The following PITPNM3 variants were observed in gnomAD, a reference collection of about 807,000 sequenced individuals.
PITPNM3 encodes the protein PITPNM family member 3.
PITPNM3 carries 26 observed loss-of-function variants against 102.0 expected under a neutral mutation model. The ratio of observed to expected loss-of-function variants is 0.25; its 90% confidence interval spans 0.19 to 0.35. The LOEUF (loss-of-function observed/expected upper bound fraction) is 0.35. Ranked by LOEUF, PITPNM3 falls within the 10% of genes least tolerant of loss-of-function variation. PITPNM3 has a pLI of 1.00. For missense variants in PITPNM3, 1,083 were observed against 1,346.1 expected, an observed-to-expected ratio of 0.80 and a Z score of 3.06; for synonymous variants, 578 against 558.6, an observed-to-expected ratio of 1.03 and a Z score of -0.49.
chr17:6,523,920 G>A (rs976545043), intron 3 of PITPNM3, among the ~76,000 whole-genome samples: 2 of 152,182 alleles, frequency 1.3e-5, no homozygotes, highest in Non-Finnish European at 2.9e-5. Context: ...AGTCCAGTCC[G>A]GGAGGTGAAG....
chr17:6,554,778 G>A (rs1910513510), intron 1 of PITPNM3, among the ~76,000 whole-genome samples: 1 of 152,312 alleles, frequency 6.6e-6, no homozygotes, highest in South Asian at 2.1e-4. Context: ...AAGCCACCTT[G>A]AGGCTGCTAT....
At chr17:6,541,459 C>T (rs530242088) in intron 1 of PITPNM3, among the ~76,000 whole-genome samples, 1 of 152,148 alleles carries the variant, frequency 6.6e-6, no homozygotes, top group East Asian at 1.9e-4. Flanking sequence ...ATCCATGTGG[C>T]TGGGGCCAAT....
intron 1 of PITPNM3, among the ~76,000 whole-genome samples, chr17:6,547,382 T>C (rs141633775): frequency 1.3e-5 from 2 of 152,358 alleles, no homozygotes; most frequent in East Asian, 1.9e-4. Flanking sequence ...TCATTTGCTC[T>C]GCCAATTAGG....
At chr17:6,503,351 G>C (rs1907296988) in intron 4 of PITPNM3, among the ~76,000 whole-genome samples, 176 bp downstream of exon 4, 1 of 152,138 alleles carries the variant, frequency 6.6e-6, no homozygotes, top group South Asian at 2.1e-4. Context: ...TCATGGGTTA[G>C]AGAGGGCCCA....
intron 10 of PITPNM3, chr17:6,473,058 T>TCAGGCTTG: frequency 1.7e-6 from 1 of 588,440 alleles, no homozygotes; most frequent in Non-Finnish European, 3.0e-6. Flanking sequence ...CCTTCCCCAA[T>TCAGGCTTG]CAGGCTTGCA....
chr17:6,456,148 C>T (rs1016886072), intron 19 of PITPNM3, among the ~76,000 whole-genome samples: 1 of 152,128 alleles, frequency 6.6e-6, no homozygotes, highest in Non-Finnish European at 1.5e-5. Context: ...CTCAGCCTCC[C>T]GAGTAACTGG....
In PITPNM3 at chr17:6,491,836, T is replaced by TATATATATATATATAA. The variant is rs148932496; in HGVS notation, c.275-7545_275-7544insTTATATATATATATAT. ...AATGGAATATATATATATATATATA[T>TATATATATATATATAA]AATAAAGAATTAATTAAGAATTAAG... On this transcript the variant is annotated intron_variant, in intron 4 of 19. Coordinates refer to ENST00000262483, the MANE Select transcript of PITPNM3 (RefSeq NM_031220.4). Among the ~76,000 whole-genome samples, 587 of 139,264 alleles carry TATATATATATATATAA rather than the reference T, an allele frequency of 4.2e-3. 6 individuals carry two copies. The highest frequency in any genetic ancestry group is 7.6e-3 in the Middle Eastern group (2 of 264). 91.4% of individuals were successfully genotyped at this position (139,264 alleles called of 152,430 possible).
chr17:6,511,709 C>T (rs1907872112), intron 3 of PITPNM3, among the ~76,000 whole-genome samples: 1 of 152,104 alleles, frequency 6.6e-6, no homozygotes, highest in Non-Finnish European at 1.5e-5. Context: ...CTTGGCCAGG[C>T]ACAGTGGCTC....
intron 3 of PITPNM3, among the ~76,000 whole-genome samples, chr17:6,506,461 TC>T (rs770892470): frequency 3.8e-4 from 57 of 151,510 alleles, no homozygotes; most frequent in Non-Finnish European, 7.2e-4. Flanking sequence ...AACCTCCGCC[TC>T]CCAGGTTCAA....
rs1342251034 is a variant in PITPNM3 at position 6,452,494 on chromosome 17, T to TG, written c.*2843dup. The TG allele has an allele frequency of 2.6e-5, 4 of 152,190 alleles. No homozygotes were observed. Among genetic ancestry groups the TG allele is most frequent in the Non-Finnish European group, 5.9e-5 (4 of 68,040 alleles). The allele number at this position is 152,190 out of a possible 1,614,324, so 9.4% of individuals were successfully genotyped here. A position where few individuals can be genotyped will look rare whatever the true frequency, so the allele number is the denominator to read the frequency against. ...AGGATTCTCTACAAAACAGCTGGAT[T>TG]GGGGGTCACAGAACTACTCAAGGAG... is the stretch of plus-strand genomic sequence containing the variant. On this transcript the variant is annotated 3_prime_UTR_variant, in exon 20 of 20. Transcript: ENST00000262483.
At chr17:6,463,417 G>GGGAGTGAGGCAGGGAGGGAA (rs1904575171) in intron 17 of PITPNM3, among the ~76,000 whole-genome samples, 1 of 58,722 alleles carries the variant, frequency 1.7e-5, no homozygotes, top group Non-Finnish European at 4.0e-5. Flanking sequence ...CACGAGTGCA[G>GGGAGTGAGGCAGGGAGGGAA]GGAGGGAGGC....
intron 4 of PITPNM3, among the ~76,000 whole-genome samples, chr17:6,485,689 C>A (rs578201082): frequency 6.6e-6 from 1 of 152,286 alleles, no homozygotes; most frequent in South Asian, 2.1e-4. Context: ...GTAAAGCTGG[C>A]CTTTGCCAGA....
chr17:6,468,358 C>T lies in PITPNM3; in HGVS notation c.1774-17G>A, dbSNP rs746342639. On this transcript the variant is annotated splice_polypyrimidine_tract_variant and intron_variant, in intron 13 of 19. Transcript: ENST00000262483. The surrounding 1 kb of genome is among the most constrained non-coding windows in gnomAD (Gnocchi z 5.2). ...GCGCATTACCTAGCCAAGAGCCGAG[C>T]AGGGCCCCGGTCAGGTCTTCTGGCT... The T allele has an allele frequency of 5.6e-6, 9 of 1,612,878 alleles. No homozygotes were observed. In the South Asian group the frequency reaches 8.8e-5, roughly 16 times the overall value.
chr17:6,482,766 C>A (rs1597375462), intron 6 of PITPNM3, among the ~76,000 whole-genome samples: 1 of 152,182 alleles, frequency 6.6e-6, no homozygotes, highest in East Asian at 1.9e-4. Flanking sequence ...TGTATGGAAA[C>A]AGCCCCTCAC....
At chr17:6,463,690 G>A (rs1567660595) in intron 17 of PITPNM3, 42 bp downstream of exon 17, 1 of 1,602,962 alleles carries the variant, frequency 6.2e-7, no homozygotes, top group Non-Finnish European at 8.5e-7. Flanking sequence ...GCTGGCTCCT[G>A]CCCCCCAGGG....
At chr17:6,493,864 G>A (rs913268087) in intron 4 of PITPNM3, among the ~76,000 whole-genome samples, 3 of 152,230 alleles carry the variant, frequency 2.0e-5, no homozygotes, top group Admixed American at 1.3e-4. Flanking sequence ...GGGTTAGTTC[G>A]GAGGAACAGT....
chr17:6,462,100 G>A lies in PITPNM3; in HGVS notation c.2307-544C>T, dbSNP rs139058052. ...TACTCAACCCTCCCCAACCTCCCAC[G>A]GTTTCAGTTTCCCCCTCTGTAAAAT... On this transcript the variant is annotated intron_variant, in intron 17 of 19. Coordinates refer to ENST00000262483, the MANE Select transcript of PITPNM3 (RefSeq NM_031220.4). Among the ~76,000 whole-genome samples the A allele has an allele frequency of 5.9e-5, 9 of 152,152 alleles. No homozygotes were observed. In the East Asian group the frequency reaches 1.7e-3, roughly 29 times the overall value.
chr17:6,471,585 C>A (rs780683222), intron 11 of PITPNM3, among the ~76,000 whole-genome samples: 3 of 152,224 alleles, frequency 2.0e-5, no homozygotes, highest in Non-Finnish European at 4.4e-5. Flanking sequence ...TACCTCCTTG[C>A]AGCTGTGAGT....
chr17:6,517,292 G>A lies in PITPNM3; in HGVS notation c.226+8064C>T. ...AAAATACTTAACCCAAATAGAATGA[G>A]AAGGAGGGGGAGGTGGCGGAGGAGT... On this transcript the variant is annotated intron_variant, in intron 3 of 19. Transcript: ENST00000262483. The surrounding 1 kb of genome is among the most constrained non-coding windows in gnomAD (Gnocchi z 4.1). 6.6e-6 allele frequency among the ~76,000 whole-genome samples: 1 copy of A among 152,188 alleles called. No individual in the cohort carries two copies. Among genetic ancestry groups the A allele is most frequent in the Non-Finnish European group, 1.5e-5 (1 of 68,032 alleles).
Sources: gnomAD v4.1 joint callset for allele counts (sites outside exome capture counted in the v4.1 genomes callset) on GRCh38, gnomAD v4.1.1 for gene constraint, Gnocchi (gnomAD v3.1) non-coding constraint, MANE v1.5 for transcripts, NCBI Gene and HGNC (gene_info 2026-07-23, HGNC 2026-07-21) for gene names.